RBMS3: variants seen among roughly 807,000 people sequenced by gnomAD.
The protein encoded by RBMS3 is RNA binding motif single stranded interacting protein 3.
Under a neutral mutation model 66.8 loss-of-function variants are expected in RBMS3, and 27 were observed. That is an observed-to-expected ratio of 0.40 (90% CI 0.30 to 0.56). The LOEUF (loss-of-function observed/expected upper bound fraction) is 0.56. Among genes scored for constraint, RBMS3 ranks in the 20% least tolerant of loss-of-function variants. The pLI is 0.40. For missense variants in RBMS3, 513 were observed against 549.5 expected (o/e 0.93, Z 0.66); for synonymous variants, 188 against 183.0 (o/e 1.03, Z -0.22).
intron 1 of RBMS3, among the ~76,000 whole-genome samples, chr3:29,344,017 ATGGGTGGTGAAGC>A (rs1169030141): frequency 5.3e-5 from 8 of 152,306 alleles, no homozygotes; most frequent in African/African-American, 1.7e-4. Flanking sequence ...GCATACAATA[ATGGGTGGTGAAGC>A]TGCCATTTGG....
intron 12 of RBMS3, among the ~76,000 whole-genome samples, chr3:29,965,412 T>C (rs1425538821): frequency 6.6e-6 from 1 of 152,148 alleles, no homozygotes. Flanking sequence ...TTTTTGATTA[T>C]GGCCATTCTT....
chr3:29,698,285 C>A, intron 4 of RBMS3: 1 of 985,350 alleles, frequency 1.0e-6, no homozygotes, highest in Non-Finnish European at 1.2e-6. Context: ...AAAATGTAGT[C>A]CCTGGTGAGG....
chr3:30,004,435 G>A lies in RBMS3; in HGVS notation c.*573G>A, dbSNP rs961772261. The stretch of plus-strand genomic sequence containing the variant: ...AAGGCTCTCGAGGCAAGCTGTCAAC[G>A]TCTTGTTGAAAACAAAAATCAAGAA... On this transcript the variant is annotated 3_prime_UTR_variant, in exon 15 of 15. Coordinates refer to ENST00000383767, the MANE Select transcript of RBMS3 (RefSeq NM_001003793.3). 2.6e-5 allele frequency: 4 copies of A among 152,136 alleles called. No homozygotes were observed. Among genetic ancestry groups the A allele is most frequent in the African/African-American group, 9.7e-5 (4 of 41,448 alleles). The allele number at this position is 152,136 out of a possible 1,614,324, so 9.4% of individuals were successfully genotyped here.
At chr3:29,310,137 A>C (rs1044022509) in intron 1 of RBMS3, among the ~76,000 whole-genome samples, 37 of 151,688 alleles carry the variant, frequency 2.4e-4, no homozygotes, top group Admixed American at 1.6e-3. Context: ...CAGGTGGAGC[A>C]ATTGGCCTTA....
At chr3:29,331,330 C>T (rs1218431407) in intron 1 of RBMS3, among the ~76,000 whole-genome samples, 1 of 152,248 alleles carries the variant, frequency 6.6e-6, no homozygotes, top group Admixed American at 6.5e-5. Context: ...CACGTCCTCC[C>T]TGGTGTTTAT....
intron 10 of RBMS3, among the ~76,000 whole-genome samples, chr3:29,926,332 A>T (rs6771161): frequency 2.0e-5 from 3 of 151,942 alleles, no homozygotes; most frequent in Non-Finnish European, 4.4e-5. Flanking sequence ...AAATATCTTA[A>T]AGGAGAAAAA....
intron 4 of RBMS3, among the ~76,000 whole-genome samples, chr3:29,622,905 A>G (rs2048916194): frequency 6.6e-6 from 1 of 152,254 alleles, no homozygotes; most frequent in East Asian, 1.9e-4. Context: ...TCACGAGGTC[A>G]GGAGATGGAG....
At chr3:29,726,200 A>G (rs1033994829) in intron 4 of RBMS3, among the ~76,000 whole-genome samples, 1 of 152,132 alleles carries the variant, frequency 6.6e-6, no homozygotes, top group Non-Finnish European at 1.5e-5. Flanking sequence ...GTACTGTTAG[A>G]CCATATCTCA....
At chr3:29,788,911 CT>C (rs2056914995) in intron 6 of RBMS3, among the ~76,000 whole-genome samples, 1 of 152,138 alleles carries the variant, frequency 6.6e-6, no homozygotes, top group Non-Finnish European at 1.5e-5. Context: ...GGTTATGAAT[CT>C]TTTTCCTAGC....
intron 3 of RBMS3, among the ~76,000 whole-genome samples, chr3:29,541,995 A>T (rs9812830): frequency 0.28 from 41,895 of 152,024 alleles, 8,383 homozygotes; most frequent in African/African-American, 0.56. Context: ...ATTTCTCACT[A>T]TCTTTTTCCC....
chr3:29,864,744 C>A (rs1406131048), intron 6 of RBMS3, among the ~76,000 whole-genome samples: 2 of 149,890 alleles, frequency 1.3e-5, no homozygotes, highest in African/African-American at 4.9e-5. Context: ...CACAATAGCT[C>A]TATGAAGTAT....
rs894103232 is a variant in RBMS3, at chr3:30,008,132, T to C, written c.*4270T>C. 8.0e-6 allele frequency: 1 copy of C among 124,498 alleles called. No individual in the cohort carries two copies. Among genetic ancestry groups the C allele is most frequent in the African/African-American group, 4.1e-5 (1 of 24,498 alleles). The allele number at this position is 124,498 out of a possible 1,614,324, so 7.7% of individuals were successfully genotyped here. On this transcript the variant is annotated 3_prime_UTR_variant, in exon 15 of 15. Coordinates refer to ENST00000383767, the MANE Select transcript of RBMS3 (RefSeq NM_001003793.3). ...AATTGGGATATTTGCTAAATACCTA[T>C]TTTTTTTTACAGTGGCCTAAAACCC... is the stretch of plus-strand genomic sequence containing the variant.
chr3:29,376,912 A>T (rs867984547), intron 1 of RBMS3, among the ~76,000 whole-genome samples: 51 of 152,080 alleles, frequency 3.4e-4, no homozygotes, highest in Middle Eastern at 3.4e-3. Flanking sequence ...TCAAACAACA[A>T]CAAAAACAAC....
At chr3:29,998,388 C>G (rs529811453) in intron 14 of RBMS3, among the ~76,000 whole-genome samples, 146 of 151,948 alleles carry the variant, frequency 9.6e-4, no homozygotes, top group African/African-American at 3.4e-3. Context: ...CTACCAATGA[C>G]TTTCTTCACA....
chr3:29,693,119 A>G, intron 4 of RBMS3, among the ~76,000 whole-genome samples: 1 of 151,984 alleles, frequency 6.6e-6, no homozygotes, highest in East Asian at 1.9e-4. Flanking sequence ...ACTTTTCTCT[A>G]TGACAAACCA....
chr3:29,461,234 T>C (rs1275858403), intron 2 of RBMS3, among the ~76,000 whole-genome samples: 1 of 152,238 alleles, frequency 6.6e-6, no homozygotes, highest in African/African-American at 2.4e-5. Context: ...TGCAATATGC[T>C]TACAGTTTTG....
At chr3:29,933,635 A>G (rs2061188564) in intron 10 of RBMS3, among the ~76,000 whole-genome samples, 1 of 152,070 alleles carries the variant, frequency 6.6e-6, no homozygotes, top group African/African-American at 2.4e-5. Flanking sequence ...ATCCTTCCCC[A>G]AGAATCCTTA....
At chr3:29,743,395 T>G (rs548165072) in intron 5 of RBMS3, among the ~76,000 whole-genome samples, 1 of 152,316 alleles carries the variant, frequency 6.6e-6, no homozygotes, top group Admixed American at 6.5e-5. Flanking sequence ...TGAGAGAAAT[T>G]ATTGTATTAC....
At chr3:29,322,463 A>C (rs940654618) in intron 1 of RBMS3, among the ~76,000 whole-genome samples, 1 of 152,128 alleles carries the variant, frequency 6.6e-6, no homozygotes, top group Non-Finnish European at 1.5e-5. Flanking sequence ...ACATGATTAA[A>C]ATCCTCATCC....
Sources: gnomAD v4.1 joint callset for allele counts (sites outside exome capture counted in the v4.1 genomes callset) on GRCh38, gnomAD v4.1.1 for gene constraint, MANE v1.5 for transcripts, NCBI Gene and HGNC (gene_info 2026-07-23, HGNC 2026-07-21) for gene names.